Variants in KIN observed in about 807,000 individuals in gnomAD.
The protein encoded by KIN is DNA/RNA-binding protein KIN17.
KIN carries 47 observed loss-of-function variants against 63.0 expected under a neutral mutation model. That is an observed-to-expected ratio of 0.75 (90% CI 0.59 to 0.95). KIN has a LOEUF of 0.95. Ranked by LOEUF, KIN falls within the 40% of genes least tolerant of loss-of-function variation. KIN has a pLI of 0.00. For missense variants in KIN, 408 were observed against 460.9 expected, an observed-to-expected ratio of 0.89 and a Z score of 1.05; for synonymous variants, 160 against 157.7, an observed-to-expected ratio of 1.01 and a Z score of -0.11.
At chr10:7,766,139 A>G (rs1564317181) in intron 8 of KIN, 36 bp from the exon 9 acceptor site, 1 of 1,448,164 alleles carries the variant, frequency 6.9e-7, no homozygotes, top group Non-Finnish European at 9.6e-7. Context: ...TATCTCCCTA[A>G]AATCCTCATT....
chr10:7,763,638 C>T (rs1564316057), intron 10 of KIN, 85 bp downstream of exon 10: 1 of 754,160 alleles, frequency 1.3e-6, no homozygotes, highest in Non-Finnish European at 2.3e-6. Context: ...GCTACTAGGA[C>T]TTGATTTTCA....
intron 4 of KIN, 143 bp downstream of exon 4, chr10:7,779,913 T>C (rs1217269060): frequency 7.1e-6 from 5 of 708,916 alleles, no homozygotes; most frequent in Non-Finnish European, 1.2e-5. Flanking sequence ...AGGCAGAAAT[T>C]ATGCTCCCAA....
At chr10:7,770,898 C>T (rs899523724) in intron 7 of KIN, among the ~76,000 whole-genome samples, 20 of 152,102 alleles carry the variant, frequency 1.3e-4, no homozygotes, top group African/African-American at 4.8e-4. Context: ...CAACTAAAAC[C>T]CCTACTTCTT....
chr10:7,773,262 A>G (rs982337003), intron 7 of KIN, among the ~76,000 whole-genome samples: 5 of 152,208 alleles, frequency 3.3e-5, no homozygotes, highest in African/African-American at 1.2e-4. Flanking sequence ...ATATGACCTC[A>G]ACATATTTCT....
chr10:7,765,979 T>C (rs1835535460), intron 9 of KIN, 74 bp downstream of exon 9: 2 of 1,068,268 alleles, frequency 1.9e-6, no homozygotes, highest in East Asian at 4.8e-5. Context: ...GTTTAGTTAC[T>C]TATACCAAAT....
At position 7,753,028 on chromosome 10, in the gene KIN, G is replaced by C. The variant is rs1219856581; in HGVS notation, c.*3052C>G. 1 of 151,084 alleles carries C rather than the reference G, an allele frequency of 6.6e-6. No individual in the cohort carries two copies. The highest frequency in any genetic ancestry group is 1.5e-5 in the Non-Finnish European group (1 of 67,342). 9.4% of individuals were successfully genotyped at this position (151,084 alleles called of 1,614,324 possible). A position where few individuals can be genotyped will look rare whatever the true frequency, so the allele number is the denominator to read the frequency against. Reference sequence around the variant, plus strand: ...CATTATACATTTGTCAAAACCCACAGAGACTGCTCTAAAAAGTAAAGTCTA... The same window carrying C: ...CATTATACATTTGTCAAAACCCACACAGACTGCTCTAAAAAGTAAAGTCTA... On this transcript the variant is annotated 3_prime_UTR_variant, in exon 13 of 13. Transcript: ENST00000379562.
At chr10:7,772,877 C>G (rs1835694766) in intron 7 of KIN, among the ~76,000 whole-genome samples, 1 of 152,160 alleles carries the variant, frequency 6.6e-6, no homozygotes. Flanking sequence ...TCCCTGAAAC[C>G]TATCAATGTT....
chr10:7,780,698 G>C (rs1835879475), intron 2 of KIN, among the ~76,000 whole-genome samples: 2 of 152,220 alleles, frequency 1.3e-5, no homozygotes, highest in Admixed American at 1.3e-4. Context: ...ACTGCATCTA[G>C]CCAGTAGTAT....
intron 1 of KIN, among the ~76,000 whole-genome samples, chr10:7,784,972 G>A (rs1835969507): frequency 6.6e-6 from 1 of 152,054 alleles, no homozygotes; most frequent in Non-Finnish European, 1.5e-5. Flanking sequence ...ACTATAGGCT[G>A]GGCATGGTGG....
rs185323540 is a variant in KIN, at chr10:7,758,879, G to A, written c.1119+1011C>T. The stretch of plus-strand genomic sequence containing the variant: ...TTTCCCTTTCTTCCCCTTAGTTTAC[G>A]TTAGTAACAGTTAGCAAGTAACAGC... On this transcript the variant is annotated intron_variant, in intron 12 of 12. Transcript: ENST00000379562. 1.1e-3 allele frequency among the ~76,000 whole-genome samples: 161 copies of A among 151,540 alleles called. 1 individual carries two copies. The highest frequency in any genetic ancestry group is 2.6e-3 in the Admixed American group (40 of 15,212).
At chr10:7,756,710 T>C (rs1473159731) in intron 12 of KIN, among the ~76,000 whole-genome samples, 2 of 152,098 alleles carry the variant, frequency 1.3e-5, no homozygotes, top group Non-Finnish European at 2.9e-5. Context: ...TCTACCATGT[T>C]TGTGCCATTG....
At chr10:7,772,775 T>C (rs763250645) in intron 7 of KIN, among the ~76,000 whole-genome samples, 6 of 152,196 alleles carry the variant, frequency 3.9e-5, no homozygotes, top group East Asian at 1.9e-4. Flanking sequence ...ATTATCAAAA[T>C]TGGTCAAATA....
chr10:7,774,952 A>C (rs1835739696), intron 6 of KIN, 61 bp from the exon 7 acceptor site: 1 of 1,220,750 alleles, frequency 8.2e-7, no homozygotes, highest in Admixed American at 1.7e-5. Context: ...AAAACTTCTC[A>C]GATAAGATAC....
intron 2 of KIN, among the ~76,000 whole-genome samples, chr10:7,781,256 C>T (rs896911137): frequency 3.3e-5 from 5 of 152,052 alleles, no homozygotes; most frequent in Admixed American, 1.3e-4. Flanking sequence ...GGCACAGAAA[C>T]ATGAAAGCCT....
At chr10:7,756,772 C>CA (rs34914340) in intron 12 of KIN, among the ~76,000 whole-genome samples, 125,882 of 152,138 alleles carry the variant, frequency 0.83, 52,173 homozygotes, top group East Asian at 0.87. Context: ...GTAAGCATTA[C>CA]GATACTCAAA....
At chr10:7,785,043 A>T (rs1397332694) in intron 1 of KIN, among the ~76,000 whole-genome samples, 1 of 151,848 alleles carries the variant, frequency 6.6e-6, no homozygotes, top group African/African-American at 2.4e-5. Context: ...TGAGTTCAGG[A>T]GTTTGAGACC....
At chr10:7,770,526 A>G (rs929725586) in intron 7 of KIN, among the ~76,000 whole-genome samples, 24 of 152,194 alleles carry the variant, frequency 1.6e-4, no homozygotes, top group African/African-American at 5.3e-4. Context: ...GGCATGCATC[A>G]CACTGCACCT....
In KIN at chr10:7,778,997, T is replaced by G; in HGVS notation, c.399A>C (p.Thr133=). 1 of 1,613,364 alleles carries G rather than the reference T, an allele frequency of 6.2e-7. No individual in the cohort carries two copies. Residue 133 remains threonine (T), a synonymous_variant, in exon 5 of 13, where the codon ACA becomes ACC. Coordinates refer to ENST00000379562, the MANE Select transcript of KIN (RefSeq NM_012311.4). ...GREGLCKVDE[T]PKGWYIQYID... ...TGTACTGAATATACCAGCCTTTTGG[T>G]GTCTCGTCCACTTTGCACAAGCCTT...
At chr10:7,780,416 C>CTCTGTCTCAA in intron 2 of KIN, 109 bp from the exon 3 acceptor site, 1 of 897,118 alleles carries the variant, frequency 1.1e-6, no homozygotes, top group Non-Finnish European at 1.7e-6. Flanking sequence ...TTTTTTGAGA[C>CTCTGTCTCAA]AGAGTCTCGT....
Sources: gnomAD v4.1 joint callset for allele counts (sites outside exome capture counted in the v4.1 genomes callset) on GRCh38, gnomAD v4.1.1 for gene constraint, MANE v1.5 for transcripts, NCBI Gene and HGNC (gene_info 2026-07-23, HGNC 2026-07-21) for gene names.